The following HYDIN variants were observed in gnomAD, a reference collection of about 807,000 sequenced individuals.
HYDIN encodes the protein HYDIN axonemal central pair apparatus protein.
In HYDIN, 132 loss-of-function variants were observed where a neutral mutation model predicts 403.9. The ratio of observed to expected loss-of-function variants is 0.33; its 90% CI spans 0.28 to 0.38. HYDIN has a LOEUF of 0.38. Among genes scored for constraint, HYDIN ranks in the 10% least tolerant of loss-of-function variants. The pLI is 1.00. For synonymous variants in HYDIN, 1,202 were observed against 1,891.7 expected (o/e 0.64, Z 9.46); for missense variants, 2,827 against 5,009.5 (o/e 0.56, Z 13.15).
intron 23 of HYDIN, among the ~76,000 whole-genome samples, chr16:71,004,868 G>A (rs2079845913): frequency 6.6e-6 from 1 of 151,682 alleles, no homozygotes; most frequent in African/African-American, 2.4e-5. Context: ...TTAAAAATGG[G>A]GATATTTGAA....
rs1317334952 is a variant in HYDIN, at chr16:70,803,410, C to A, written c.*4170G>T. ...ACCCTTGCCTTCCACCCTTGTTCCT[C>A]TTCTCTGACCTGTGACCATTCCTGT... On this transcript the variant is annotated 3_prime_UTR_variant, in exon 86 of 86. Coordinates refer to ENST00000393567, the MANE Select transcript of HYDIN (RefSeq NM_001270974.2). Among the ~76,000 whole-genome samples, 2 of 152,228 alleles carry A rather than the reference C, an allele frequency of 1.3e-5. No homozygotes were observed. Among genetic ancestry groups the A allele is most frequent in the Non-Finnish European group, 2.9e-5 (2 of 68,030 alleles).
intron 41 of HYDIN, among the ~76,000 whole-genome samples, chr16:70,948,715 C>T (rs879256971): frequency 9.4e-4 from 143 of 152,050 alleles, no homozygotes; most frequent in Non-Finnish European, 1.7e-3. Context: ...AAATGCTCAC[C>T]ATCACTGGCC....
chr16:70,813,167 G>A (rs2035614705), intron 84 of HYDIN, among the ~76,000 whole-genome samples: 1 of 152,192 alleles, frequency 6.6e-6, no homozygotes, highest in Non-Finnish European at 1.5e-5. Flanking sequence ...TGGCCAGACT[G>A]GTCTTGAACT....
intron 13 of HYDIN, among the ~76,000 whole-genome samples, chr16:71,070,449 G>C (rs2082431684): frequency 6.7e-6 from 1 of 149,974 alleles, no homozygotes; most frequent in Admixed American, 6.6e-5. Flanking sequence ...CTCCTGAGTA[G>C]CTGGGATTAC....
At chr16:71,033,490 G>A (rs1413379213) in intron 18 of HYDIN, among the ~76,000 whole-genome samples, 3 of 152,036 alleles carry the variant, frequency 2.0e-5, no homozygotes, top group Non-Finnish European at 4.4e-5. Context: ...GGACATGGAC[G>A]GAACTGGAAG....
chr16:71,216,712 T>C (rs2088899969), intron 1 of HYDIN, among the ~76,000 whole-genome samples: 1 of 152,208 alleles, frequency 6.6e-6, no homozygotes, highest in Middle Eastern at 3.2e-3. Context: ...AAAGCATCTT[T>C]GAAATTCTGC....
chr16:71,186,889 T>C lies in HYDIN; in HGVS notation c.7A>G (p.Ser3Gly). The change falls in exon 2 of 86, where the codon AGT (serine) becomes GGT (glycine). Residue 3 changes from serine to glycine, a missense_variant. Coordinates refer to ENST00000393567, the MANE Select transcript of HYDIN (RefSeq NM_001270974.2). MTSRRLEESMGAV... is the reference protein window; with the variant it reads MTGRRLEESMGAV... ...CCCATGGACTCCTCAAGTCTTCTAC[T>C]TGTCATTTTTAGTAATTTTTTTTTC... is the stretch of plus-strand genomic sequence containing the variant. 1 of 1,609,104 alleles carries C rather than the reference T, an allele frequency of 6.2e-7. No individual in the cohort carries two copies. The highest frequency in any genetic ancestry group is 1.3e-5 in the African/African-American group (1 of 74,710).
At chr16:71,204,529 T>G (rs1001723835) in intron 1 of HYDIN, among the ~76,000 whole-genome samples, 3 of 152,250 alleles carry the variant, frequency 2.0e-5, no homozygotes, top group Admixed American at 2.0e-4. Context: ...TAGCAGATAC[T>G]TGTTAAATGC....
chr16:70,947,047 A>C (rs1241607715), intron 41 of HYDIN, among the ~76,000 whole-genome samples: 2 of 150,568 alleles, frequency 1.3e-5, no homozygotes, highest in Non-Finnish European at 3.0e-5. Flanking sequence ...CTCCTGCCTA[A>C]TTGCCCTGGC....
At chr16:71,002,356 G>A (rs2079746832) in intron 23 of HYDIN, among the ~76,000 whole-genome samples, 1 of 152,006 alleles carries the variant, frequency 6.6e-6, no homozygotes, top group Non-Finnish European at 1.5e-5. Flanking sequence ...GACCAGCCTT[G>A]GCAACATAAT....
chr16:70,877,595 A>G (rs1205567494), intron 62 of HYDIN, among the ~76,000 whole-genome samples: 1 of 152,192 alleles, frequency 6.6e-6, no homozygotes, highest in Non-Finnish European at 1.5e-5. Context: ...GATTCTTATA[A>G]GGAGCACGCA....
At chr16:71,023,056 T>G (rs1034510506) in intron 21 of HYDIN, among the ~76,000 whole-genome samples, 9 of 152,060 alleles carry the variant, frequency 5.9e-5, no homozygotes, top group Admixed American at 5.2e-4. Flanking sequence ...ATTCACTGAG[T>G]TTTCTCCCAG....
At chr16:70,858,934 T>C (rs1286299711) in intron 71 of HYDIN, among the ~76,000 whole-genome samples, 2 of 151,070 alleles carry the variant, frequency 1.3e-5, no homozygotes, top group African/African-American at 2.4e-5. Context: ...ATATGTTTTG[T>C]TTGGTTTGGG....
intron 8 of HYDIN, among the ~76,000 whole-genome samples, chr16:71,134,757 A>G (rs1345372184): frequency 2.0e-5 from 3 of 152,236 alleles, no homozygotes; most frequent in African/African-American, 4.8e-5. Flanking sequence ...ATTTCATGAC[A>G]GTTACTTCAA....
At chr16:71,108,801 C>G (rs796661751) in intron 10 of HYDIN, among the ~76,000 whole-genome samples, 4 of 151,446 alleles carry the variant, frequency 2.6e-5, no homozygotes, top group African/African-American at 9.7e-5. Context: ...ATTCCCAGGG[C>G]TGCATTCCTT....
intron 21 of HYDIN, among the ~76,000 whole-genome samples, chr16:71,022,591 A>G (rs1372051535): frequency 6.6e-6 from 1 of 152,048 alleles, no homozygotes; most frequent in Non-Finnish European, 1.5e-5. Context: ...ATGTTATACA[A>G]TTAAATCTGA....
At chr16:70,953,444 T>C (rs1430646116) in intron 40 of HYDIN, among the ~76,000 whole-genome samples, 1 of 152,104 alleles carries the variant, frequency 6.6e-6, no homozygotes, top group Non-Finnish European at 1.5e-5. Context: ...AGCAGGGCTC[T>C]GAGGGACGTG....
At chr16:71,114,654 ATTTATT>A (rs1211483243) in intron 10 of HYDIN, among the ~76,000 whole-genome samples, 2 of 141,386 alleles carry the variant, frequency 1.4e-5, no homozygotes, top group African/African-American at 5.4e-5. Flanking sequence ...TTACATGTAT[ATTTATT>A]TTTATATCTA....
At chr16:71,052,247 T>G (rs2081679665) in intron 18 of HYDIN, among the ~76,000 whole-genome samples, 1 of 151,786 alleles carries the variant, frequency 6.6e-6, no homozygotes, top group Admixed American at 6.6e-5. Flanking sequence ...AGTGTTATTG[T>G]TATCATTAAG....
Sources: gnomAD v4.1 joint callset for allele counts (sites outside exome capture counted in the v4.1 genomes callset) on GRCh38, gnomAD v4.1.1 for gene constraint, MANE v1.5 for transcripts, NCBI Gene and HGNC (gene_info 2026-07-23, HGNC 2026-07-21) for gene names.